Variants in CNTLN observed in about 807,000 individuals in gnomAD.
The protein encoded by CNTLN is centlein, also known as centlein, centrosomal protein.
Under a neutral mutation model 180.0 loss-of-function variants are expected in CNTLN, and 212 were observed. The observed-to-expected ratio is 1.18, with a 90% CI of 1.05 to 1.32. The LOEUF (loss-of-function observed/expected upper bound fraction) is 1.32, where lower values mean the gene tolerates loss of function less well. Ranked by LOEUF, CNTLN falls within the 40% of genes most tolerant of loss-of-function variation. CNTLN has a pLI of 0.00. For missense variants in CNTLN, 2,095 were observed against 1,610.9 expected, an observed-to-expected ratio of 1.30 and a Z score of -5.14; for synonymous variants, 722 against 563.1, an observed-to-expected ratio of 1.28 and a Z score of -3.99.
chr9:17,369,420 C>T (rs188687817), intron 13 of CNTLN, among the ~76,000 whole-genome samples: 18 of 151,864 alleles, frequency 1.2e-4, no homozygotes, highest in African/African-American at 3.4e-4. Flanking sequence ...ATCAAACAAA[C>T]GAAATGAGGC....
intron 2 of CNTLN, among the ~76,000 whole-genome samples, chr9:17,186,791 ATAAG>A (rs1289001106): frequency 6.6e-5 from 10 of 152,090 alleles, no homozygotes; most frequent in African/African-American, 2.4e-4. Flanking sequence ...GATAGTTCTG[ATAAG>A]TAGTTTCTTT....
chr9:17,403,694 C>G (rs935775463), intron 15 of CNTLN, among the ~76,000 whole-genome samples: 4 of 151,712 alleles, frequency 2.6e-5, no homozygotes, highest in Admixed American at 2.0e-4. Flanking sequence ...CTTGCTCAAT[C>G]TTGATCTCAA....
rs563267747 is a variant in CNTLN at position 17,323,143 on chromosome 9, G to T, written c.1342-7489G>T. ...ATAGCTGATAAAGGCTTGTGGATTTGCTTTTTTTTCATATAAAGCTGGATA... is the reference window on the plus strand; with the variant it reads ...ATAGCTGATAAAGGCTTGTGGATTTTCTTTTTTTTCATATAAAGCTGGATA... On this transcript the variant is annotated intron_variant, in intron 8 of 25. Coordinates refer to ENST00000380647, the MANE Select transcript of CNTLN (RefSeq NM_017738.4). 2.0e-5 allele frequency among the ~76,000 whole-genome samples: 3 copies of T among 152,110 alleles called. No individual in the cohort carries two copies. In the East Asian group the frequency reaches 5.8e-4, roughly 29 times the overall value.
At chr9:17,236,673 C>G (rs2132158134) in intron 5 of CNTLN, 85 bp downstream of exon 5, 1 of 1,059,148 alleles carries the variant, frequency 9.4e-7, no homozygotes, top group Non-Finnish European at 1.4e-6. Flanking sequence ...TCTTTAACAA[C>G]TTATATATTC....
At chr9:17,163,274 G>T (rs1452540797) in intron 2 of CNTLN, among the ~76,000 whole-genome samples, 1 of 152,074 alleles carries the variant, frequency 6.6e-6, no homozygotes. Context: ...ATGAGATTTG[G>T]GTGGGGACAC....
intron 2 of CNTLN, among the ~76,000 whole-genome samples, chr9:17,158,292 T>C (rs1441567430): frequency 6.6e-6 from 1 of 152,190 alleles, no homozygotes; most frequent in Non-Finnish European, 1.5e-5. Flanking sequence ...CGAATTTGGC[T>C]TGCTGGTATG....
chr9:17,356,347 C>G (rs1463560400), intron 12 of CNTLN, among the ~76,000 whole-genome samples: 1 of 152,088 alleles, frequency 6.6e-6, no homozygotes, highest in Non-Finnish European at 1.5e-5. Context: ...TTAATTATCC[C>G]TAGGTAAGAG....
chr9:17,184,434 A>T (rs535503726), intron 2 of CNTLN, among the ~76,000 whole-genome samples: 3,078 of 152,290 alleles, frequency 0.02, 101 homozygotes, highest in African/African-American at 0.07. Flanking sequence ...TAGCTATTTC[A>T]AAATCATACG....
At chr9:17,456,279 A>G in intron 18 of CNTLN, among the ~76,000 whole-genome samples, 1 of 152,182 alleles carries the variant, frequency 6.6e-6, no homozygotes, top group East Asian at 1.9e-4. Flanking sequence ...GGGGCAACTC[A>G]TGAACAAATT....
At chr9:17,195,643 A>C (rs1342008460) in intron 2 of CNTLN, among the ~76,000 whole-genome samples, 1 of 152,204 alleles carries the variant, frequency 6.6e-6, no homozygotes, top group Admixed American at 6.5e-5. Context: ...TGTGCCCAGC[A>C]TTCTGCCAGT....
the CNTLN span, among the ~76,000 whole-genome samples, chr9:17,524,707 C>A: frequency 6.6e-6 from 1 of 152,300 alleles, no homozygotes; most frequent in African/African-American, 2.4e-5. Context: ...TTGTTGTAAA[C>A]TTTAAATCCT....
intron 5 of CNTLN, among the ~76,000 whole-genome samples, chr9:17,269,623 A>G (rs1386910048): frequency 6.6e-6 from 1 of 152,304 alleles, no homozygotes; most frequent in South Asian, 2.1e-4. Flanking sequence ...CATTGTGATC[A>G]GAAAAAATAC....
chr9:17,482,694 A>G (rs1414197348), intron 23 of CNTLN, among the ~76,000 whole-genome samples: 1 of 152,186 alleles, frequency 6.6e-6, no homozygotes, highest in East Asian at 1.9e-4. Flanking sequence ...CCCAATGTTA[A>G]AATGTGTTGT....
chr9:17,485,495 A>G lies in CNTLN; in HGVS notation c.4041+1015A>G, dbSNP rs112438219. Among the ~76,000 whole-genome samples the G allele has an allele frequency of 6.2e-3, 940 of 152,302 alleles. 10 individuals are homozygous for G. The highest frequency in any genetic ancestry group is 0.022 in the African/African-American group (910 of 41,578). ...TCTATCAAATTCTAAACTTTGAAGT[A>G]TAAGAACAATATCACATATAGTACC... On this transcript the variant is annotated intron_variant, in intron 24 of 25. Transcript: ENST00000380647.
intron 18 of CNTLN, among the ~76,000 whole-genome samples, chr9:17,429,472 T>C (rs1829284743): frequency 1.3e-5 from 2 of 152,090 alleles, no homozygotes; most frequent in South Asian, 4.1e-4. Flanking sequence ...AATATATAAA[T>C]AAAGTATTTG....
rs115507792 is a variant in CNTLN at position 17,501,244 on chromosome 9, G to A, written c.4120-1307G>A. 4.0e-3 allele frequency among the ~76,000 whole-genome samples: 613 copies of A among 152,292 alleles called. 2 individuals carry two copies. Among genetic ancestry groups the A allele is most frequent in the African/African-American group, 0.014 (578 of 41,564 alleles). On this transcript the variant is annotated intron_variant, in intron 25 of 25. Coordinates refer to ENST00000380647, the MANE Select transcript of CNTLN (RefSeq NM_017738.4). ...AGTAAGACAAATATGTGAAGCTCCT[G>A]GGTTTCTAGGGAACAGACACAGACT...
intron 23 of CNTLN, among the ~76,000 whole-genome samples, chr9:17,478,758 C>T (rs1372251079): frequency 2.6e-5 from 4 of 152,010 alleles, no homozygotes; most frequent in South Asian, 4.1e-4. Context: ...GTCCTTTCAC[C>T]GTTATATATC....
intron 5 of CNTLN, among the ~76,000 whole-genome samples, chr9:17,247,718 C>T (rs1587325630): frequency 6.7e-6 from 1 of 149,880 alleles, no homozygotes; most frequent in Non-Finnish European, 1.5e-5. Context: ...TCTTGCTCCA[C>T]TTCCTCTCAC....
chr9:17,483,963 T>C (rs992230797), intron 23 of CNTLN, among the ~76,000 whole-genome samples: 1 of 152,178 alleles, frequency 6.6e-6, no homozygotes, highest in Non-Finnish European at 1.5e-5. Context: ...ACCTGACTCT[T>C]AGTGTTAGGT....
Sources: allele counts gnomAD v4.1 joint callset (sites outside exome capture counted in the v4.1 genomes callset), GRCh38; gene constraint gnomAD v4.1.1; transcripts MANE v1.5; gene names NCBI Gene and HGNC (gene_info 2026-07-23, HGNC 2026-07-21).